The following ERBB4 variants were observed in gnomAD, a reference collection of about 807,000 sequenced individuals.
ERBB4 encodes receptor tyrosine-protein kinase erbB-4.
ERBB4 carries 42 observed loss-of-function variants against 158.0 expected under a neutral mutation model. The ratio of observed to expected loss-of-function variants is 0.27; its 90% confidence interval spans 0.21 to 0.34. The LOEUF (loss-of-function observed/expected upper bound fraction) is 0.34. Ranked by LOEUF, ERBB4 falls within the 10% of genes least tolerant of loss-of-function variation. The pLI, the probability that ERBB4 is intolerant of heterozygous loss-of-function variation, is 1.00. For missense variants in ERBB4, 1,333 were observed against 1,624.1 expected (o/e 0.82, Z 3.08); for synonymous variants, 583 against 558.7 (o/e 1.04, Z -0.61).
At chr2:212,320,327 T>TTTC (rs1553616979) in intron 1 of ERBB4, among the ~76,000 whole-genome samples, 2 of 146,568 alleles carry the variant, frequency 1.4e-5, no homozygotes, top group Admixed American at 6.7e-5. Context: ...TCTTTTTTTT[T>TTTC]TACTTCTTCT....
chr2:212,055,533 G>C (rs1028273008), intron 2 of ERBB4, among the ~76,000 whole-genome samples: 1 of 152,246 alleles, frequency 6.6e-6, no homozygotes, highest in African/African-American at 2.4e-5. Context: ...CCCTCCAGTA[G>C]GGGCAGACTG....
chr2:211,685,179 T>A (rs13016387), intron 12 of ERBB4, among the ~76,000 whole-genome samples: 19,743 of 152,234 alleles, frequency 0.13, 1,435 homozygotes, highest in African/African-American at 0.19. Flanking sequence ...GTTCTTTGCA[T>A]GCAAACTCTA....
In ERBB4 at chr2:211,713,567, A is replaced by T. The variant is rs2073786487; in HGVS notation, c.965T>A (p.Met322Lys). The T allele has an allele frequency of 6.2e-7, 1 of 1,612,020 alleles. No individual in the cohort carries two copies. Among genetic ancestry groups the T allele is most frequent in the East Asian group, 2.2e-5 (1 of 44,828 alleles). Reference sequence around the variant, plus strand: ...GCAAATGTCAGTGCAAGGTTTACACATTTTAATCCCATTTTCTTCTACTTC... The same window carrying T: ...GCAAATGTCAGTGCAAGGTTTACACTTTTTAATCCCATTTTCTTCTACTTC... Reference protein sequence around the residue: ...KMEVEENGIKMCKPCTDICPK... With the variant: ...KMEVEENGIKKCKPCTDICPK... The change falls in exon 8 of 28, where the codon ATG (methionine) becomes AAG (lysine). Residue 322 changes from methionine (M) to lysine (K), a missense_variant. Met to Lys is a moderately conservative substitution (Grantham distance 95). This residue lies in a region of ERBB4 where 438 missense variants were observed against 586.9 expected (regional missense o/e 0.75). Coordinates refer to ENST00000342788, the MANE Select transcript of ERBB4 (RefSeq NM_005235.3).
chr2:212,133,379 T>C (rs2080164841), intron 1 of ERBB4, among the ~76,000 whole-genome samples: 1 of 151,586 alleles, frequency 6.6e-6, no homozygotes. Context: ...TGTGTTCTGC[T>C]TTCTTTTCAT....
At chr2:212,404,769 A>G (rs1357391011) in intron 1 of ERBB4, among the ~76,000 whole-genome samples, 1 of 151,882 alleles carries the variant, frequency 6.6e-6, no homozygotes, top group Non-Finnish European at 1.5e-5. Context: ...CCAGTACCTA[A>G]TAGTTATCTT....
chr2:211,849,853 C>T (rs949261680), intron 3 of ERBB4, among the ~76,000 whole-genome samples: 4 of 151,822 alleles, frequency 2.6e-5, no homozygotes, highest in African/African-American at 9.7e-5. Flanking sequence ...TGGAGAATAG[C>T]ACATTTTATG....
intron 20 of ERBB4, among the ~76,000 whole-genome samples, chr2:211,485,604 ATTATC>A (rs1167194748): frequency 6.6e-6 from 1 of 151,372 alleles, no homozygotes; most frequent in Non-Finnish European, 1.5e-5. Context: ...TCTGTTATAC[ATTATC>A]TTATATGTAT....
chr2:211,849,636 A>C (rs942844854), intron 3 of ERBB4, among the ~76,000 whole-genome samples: 2 of 151,942 alleles, frequency 1.3e-5, no homozygotes, highest in African/African-American at 4.8e-5. Context: ...GATGTAGAGA[A>C]GCCTACTCAT....
At chr2:212,012,736 G>T (rs981174969) in intron 2 of ERBB4, among the ~76,000 whole-genome samples, 2 of 151,704 alleles carry the variant, frequency 1.3e-5, no homozygotes, top group Admixed American at 6.6e-5. Flanking sequence ...TGTTGTTGTT[G>T]TTTTTATTTT....
intron 20 of ERBB4, among the ~76,000 whole-genome samples, chr2:211,544,749 T>A (rs1424339913): frequency 6.7e-6 from 1 of 149,292 alleles, no homozygotes; most frequent in Admixed American, 6.9e-5. Flanking sequence ...TTAAGAGAAG[T>A]ACTCTATGTA....
At chr2:212,066,621 GTTATT>G (rs1175664926) in intron 2 of ERBB4, among the ~76,000 whole-genome samples, 1 of 151,906 alleles carries the variant, frequency 6.6e-6, no homozygotes, top group Non-Finnish European at 1.5e-5. Context: ...CATAATTGTG[GTTATT>G]TTAAATTGTT....
chr2:212,052,840 C>A (rs1328361175), intron 2 of ERBB4, among the ~76,000 whole-genome samples: 2 of 152,172 alleles, frequency 1.3e-5, no homozygotes, highest in Non-Finnish European at 2.9e-5. Context: ...TATATAAATA[C>A]CCCAATTTTA....
At chr2:212,311,230 C>G (rs1353766467) in intron 1 of ERBB4, among the ~76,000 whole-genome samples, 1 of 150,082 alleles carries the variant, frequency 6.7e-6, no homozygotes, top group Non-Finnish European at 1.5e-5. Flanking sequence ...GAGGGGCTAA[C>G]AATATATGCC....
At chr2:212,310,328 G>A (rs570909569) in intron 1 of ERBB4, among the ~76,000 whole-genome samples, 106 of 150,436 alleles carry the variant, frequency 7.0e-4, no homozygotes, top group African/African-American at 2.3e-3. Flanking sequence ...TCTTTATAGC[G>A]GCATCAGTAG....
At chr2:212,219,598 T>A (rs752750354) in intron 1 of ERBB4, among the ~76,000 whole-genome samples, 6 of 151,402 alleles carry the variant, frequency 4.0e-5, no homozygotes, top group East Asian at 3.9e-4. Flanking sequence ...TCTAATTATA[T>A]TATTCATGCT....
At chr2:211,968,008 C>T (rs1377386823) in intron 2 of ERBB4, among the ~76,000 whole-genome samples, 3 of 151,870 alleles carry the variant, frequency 2.0e-5, no homozygotes, top group African/African-American at 4.8e-5. Context: ...ATTTAGACTA[C>T]ATAGATATAT....
At chr2:212,054,186 T>C (rs1000744714) in intron 2 of ERBB4, among the ~76,000 whole-genome samples, 1 of 152,160 alleles carries the variant, frequency 6.6e-6, no homozygotes, top group African/African-American at 2.4e-5. Flanking sequence ...GTTTATTATA[T>C]GACCTATGTA....
chr2:211,427,492 ATGTTC>A (rs1490176746), intron 22 of ERBB4, among the ~76,000 whole-genome samples: 2 of 152,186 alleles, frequency 1.3e-5, no homozygotes, highest in Non-Finnish European at 2.9e-5. Flanking sequence ...AATAAAATAA[ATGTTC>A]TAATTATAAA....
chr2:211,716,362 CAAAAAAAAAAAAAA>C (rs534486221), intron 7 of ERBB4, among the ~76,000 whole-genome samples: 1,139 of 69,298 alleles, frequency 0.016, 14 homozygotes, highest in Middle Eastern at 0.077. Flanking sequence ...AACTCTGTCT[CAAAAAAAAAAAAAA>C]AAAAAAAAAA....
Sources: allele counts gnomAD v4.1 joint callset (sites outside exome capture counted in the v4.1 genomes callset), GRCh38; gene constraint gnomAD v4.1.1; regional missense constraint gnomAD v4.1.1; transcripts MANE v1.5; gene names NCBI Gene and HGNC (gene_info 2026-07-23, HGNC 2026-07-21).